The following EZH2 variants were observed in gnomAD, a reference collection of about 807,000 sequenced individuals.
EZH2 encodes the protein enhancer of zeste 2 polycomb repressive complex 2 subunit.
A neutral mutation model predicts 98.4 loss-of-function variants in EZH2; 18 were observed. The ratio of observed to expected loss-of-function variants is 0.18; its 90% CI spans 0.13 to 0.27. EZH2 has a LOEUF of 0.27. Among genes scored for constraint, EZH2 ranks in the 10% least tolerant of loss-of-function variants. The pLI, the probability that EZH2 is intolerant of heterozygous loss-of-function variation, is 1.00. For missense variants in EZH2, 470 were observed against 935.1 expected (o/e 0.50, Z 6.49); for synonymous variants, 338 against 312.3 (o/e 1.08, Z -0.87).
Position 148,853,283 on chromosome 7 carries a change from G to T in EZH2, c.-7-5978C>A, listed in dbSNP as rs550299100. 5.9e-5 allele frequency among the ~76,000 whole-genome samples: 9 copies of T among 152,144 alleles called. No individual in the cohort carries two copies. The South Asian group carries it at 1.7e-3, about 28-fold the overall frequency. On this transcript the variant is annotated intron_variant, in intron 1 of 19. Coordinates refer to ENST00000320356, the MANE Select transcript of EZH2 (RefSeq NM_004456.5). ...AAAAATTAGCTGGGTGTGGAGGCAG[G>T]TGCCTGTAATCCCAGCTACTCAGGA... is the stretch of plus-strand genomic sequence containing the variant.
intron 1 of EZH2, among the ~76,000 whole-genome samples, chr7:148,867,419 G>A (rs188033331): frequency 3.0e-3 from 450 of 152,244 alleles, no homozygotes; most frequent in Non-Finnish European, 4.8e-3. Flanking sequence ...TTGTTTTACC[G>A]AAAGTTACCA....
intron 1 of EZH2, among the ~76,000 whole-genome samples, chr7:148,871,460 T>C (rs975152661): frequency 1.4e-5 from 2 of 147,650 alleles, no homozygotes; most frequent in Non-Finnish European, 3.0e-5. Context: ...CAGGACCACC[T>C]GTATACATCC....
intron 3 of EZH2, among the ~76,000 whole-genome samples, chr7:148,834,375 A>G (rs947797192): frequency 1.3e-5 from 2 of 151,492 alleles, no homozygotes; most frequent in African/African-American, 4.9e-5. Context: ...ACACACACAC[A>G]CACACACATA....
intron 3 of EZH2, among the ~76,000 whole-genome samples, chr7:148,833,872 G>C (rs1479302931): frequency 6.6e-6 from 1 of 152,168 alleles, no homozygotes; most frequent in Non-Finnish European, 1.5e-5. Context: ...CCAAAAGCCT[G>C]ACTCTGGAGC....
At chr7:148,837,423 G>A (rs1415542779) in intron 3 of EZH2, among the ~76,000 whole-genome samples, 1 of 152,140 alleles carries the variant, frequency 6.6e-6, no homozygotes, top group Non-Finnish European at 1.5e-5. Flanking sequence ...ACCAAGTCTA[G>A]AGAAAAGCTG....
chr7:148,884,064 G>C (rs1356676301), intron 1 of EZH2, 100 bp downstream of exon 1: 6 of 151,980 alleles, frequency 3.9e-5, no homozygotes, highest in Non-Finnish European at 5.9e-5. Context: ...CGATACCCGG[G>C]ACCGGCACAG....
At chr7:148,808,084 A>G (rs1161357639) in intron 19 of EZH2, among the ~76,000 whole-genome samples, 1 of 152,230 alleles carries the variant, frequency 6.6e-6, no homozygotes, top group African/African-American at 2.4e-5. Flanking sequence ...TCTGGAAAAA[A>G]TGATGACCAT....
At chr7:148,824,727 T>TTTGTCGAAGTTAACGTAAAACAATGAAG (rs1807195034) in intron 8 of EZH2, among the ~76,000 whole-genome samples, 1 of 152,192 alleles carries the variant, frequency 6.6e-6, no homozygotes, top group African/African-American at 2.4e-5. Context: ...TGTGTGGTAT[T>TTTGTCGAAGTTAACGTAAAACAATGAAG]TTGTCGAAGT....
At chr7:148,875,476 C>T (rs1247076064) in intron 1 of EZH2, among the ~76,000 whole-genome samples, 1 of 152,232 alleles carries the variant, frequency 6.6e-6, no homozygotes, top group South Asian at 2.1e-4. Context: ...AAAAAAAGTA[C>T]ACAAATGGCC....
chr7:148,825,646 C>T (rs777348716), intron 8 of EZH2, among the ~76,000 whole-genome samples: 9 of 152,208 alleles, frequency 5.9e-5, no homozygotes, highest in Non-Finnish European at 1.3e-4. Context: ...CTCAAAACAA[C>T]AAAGCAATGT....
chr7:148,819,323 T>C (rs1448022363), intron 9 of EZH2, among the ~76,000 whole-genome samples: 3 of 152,242 alleles, frequency 2.0e-5, no homozygotes, highest in Non-Finnish European at 2.9e-5. Flanking sequence ...TCTCATAGAC[T>C]TTGTGGAAGG....
At chr7:148,828,631 A>T (rs1808436710) in intron 6 of EZH2, 109 bp downstream of exon 6, 3 of 1,361,140 alleles carry the variant, frequency 2.2e-6, no homozygotes, top group Non-Finnish European at 3.0e-6. Context: ...TGTGATATTT[A>T]ACAAAGAAAG....
At chr7:148,858,809 C>A (rs1391326828) in intron 1 of EZH2, among the ~76,000 whole-genome samples, 1 of 152,128 alleles carries the variant, frequency 6.6e-6, no homozygotes, top group African/African-American at 2.4e-5. Context: ...AAAAAAAGAT[C>A]TCCATAGCAG....
Position 148,829,609 on chromosome 7 carries a change from G to C in EZH2, c.484+119C>G, listed in dbSNP as rs534642153. On this transcript the variant is annotated intron_variant, in intron 5 of 19. Transcript: ENST00000320356. ...CTGGGCCCAGGTTCAGTCCCTTATA[G>C]TTCAGTGCAAAACTTAATTTTAATA... 31 of 1,114,052 alleles carry C rather than the reference G, an allele frequency of 2.8e-5. No homozygotes were observed. The East Asian group carries it at 5.4e-4, about 19-fold the overall frequency. The allele number at this position is 1,114,052 out of a possible 1,614,324, so 69.0% of individuals were successfully genotyped here. A position where few individuals can be genotyped will look rare whatever the true frequency, so the allele number is the denominator to read the frequency against.
chr7:148,877,701 A>G (rs1820367139), intron 1 of EZH2, among the ~76,000 whole-genome samples: 1 of 152,184 alleles, frequency 6.6e-6, no homozygotes, highest in South Asian at 2.1e-4. Context: ...TCTCAAATGC[A>G]TACTATTACC....
At chr7:148,829,146 T>C (rs528842703) in intron 5 of EZH2, among the ~76,000 whole-genome samples, 2 of 152,336 alleles carry the variant, frequency 1.3e-5, no homozygotes, top group South Asian at 2.1e-4. Flanking sequence ...TAGGAACTGA[T>C]TGTGGCTTTG....
intron 15 of EZH2, 108 bp from the exon 16 acceptor site, chr7:148,811,828 C>G (rs921650099): frequency 6.5e-6 from 6 of 916,268 alleles, no homozygotes; most frequent in South Asian, 6.1e-5. Context: ...AATCCTCAGA[C>G]CTGTTTGTTC....
At position 148,825,919 on chromosome 7, in the gene EZH2, GA is replaced by G. The variant is rs1314875186; in HGVS notation, c.907+534del. On this transcript the variant is annotated intron_variant, in intron 8 of 19. Transcript: ENST00000320356. ...ACCACATTCCCTAGAAATGCCAGAG[GA>G]AAAAAGTATTTTTGTATATACCATA... Among the ~76,000 whole-genome samples, 4 of 151,926 alleles carry G rather than the reference GA, an allele frequency of 2.6e-5. No individual in the cohort carries two copies. In the East Asian group the frequency reaches 7.7e-4, roughly 29 times the overall value.
At chr7:148,875,399 A>G (rs1347539099) in intron 1 of EZH2, among the ~76,000 whole-genome samples, 1 of 152,216 alleles carries the variant, frequency 6.6e-6, no homozygotes, top group Non-Finnish European at 1.5e-5. Context: ...CCCAGAACAT[A>G]TAAAGACCTC....
Sources: allele counts gnomAD v4.1 joint callset (sites outside exome capture counted in the v4.1 genomes callset), GRCh38; gene constraint gnomAD v4.1.1; transcripts MANE v1.5; gene names NCBI Gene and HGNC (gene_info 2026-07-23, HGNC 2026-07-21).